Variants in ACAP2 observed in about 807,000 individuals in gnomAD.
The protein encoded by ACAP2 is arf-GAP with coiled-coil, ANK repeat and PH domain-containing protein 2.
ACAP2 carries 39 observed loss-of-function variants against 115.8 expected under a neutral mutation model. The observed-to-expected ratio is 0.34, with a 90% CI of 0.26 to 0.44. The LOEUF is 0.44. Ranked by LOEUF, ACAP2 falls within the 20% of genes least tolerant of loss-of-function variation. ACAP2 has a pLI of 1.00. For synonymous variants in ACAP2, 289 were observed against 315.8 expected (o/e 0.92, Z 0.90); for missense variants, 662 against 927.6 (o/e 0.71, Z 3.72).
chr3:195,311,052 A>C (rs77247234), intron 10 of ACAP2, among the ~76,000 whole-genome samples: 3,887 of 151,646 alleles, frequency 0.026, 142 homozygotes, highest in African/African-American at 0.085. Context: ...TTTCTATAGA[A>C]TAATCCTAGT....
intron 1 of ACAP2, among the ~76,000 whole-genome samples, chr3:195,396,795 A>AG (rs1431202843): frequency 1.3e-5 from 2 of 148,972 alleles, no homozygotes; most frequent in East Asian, 4.0e-4. Flanking sequence ...TCAAAAAAGA[A>AG]AAAAAAAAAA....
intron 10 of ACAP2, among the ~76,000 whole-genome samples, chr3:195,311,159 C>A (rs1342636639): frequency 7.0e-6 from 1 of 143,700 alleles, no homozygotes; most frequent in Admixed American, 7.1e-5. Flanking sequence ...TGCAGGGGTG[C>A]GATCTTGGCT....
intron 1 of ACAP2, among the ~76,000 whole-genome samples, chr3:195,436,449 C>A (rs557560962): frequency 1.3e-5 from 2 of 152,114 alleles, no homozygotes; most frequent in African/African-American, 4.8e-5. Context: ...ATTATACTTG[C>A]CTGTAGTAAT....
intron 4 of ACAP2, among the ~76,000 whole-genome samples, chr3:195,371,788 T>C (rs571965931): frequency 6.6e-6 from 1 of 152,050 alleles, no homozygotes; most frequent in South Asian, 2.1e-4. Context: ...AAGTAGCTGG[T>C]TATATAGGTA....
chr3:195,389,147 T>C (rs544972316), intron 2 of ACAP2, among the ~76,000 whole-genome samples: 14 of 152,280 alleles, frequency 9.2e-5, no homozygotes, highest in African/African-American at 3.1e-4. Context: ...CAGGTTTCCA[T>C]GTGTCTTGGT....
At chr3:195,345,011 A>G (rs1731108972) in intron 5 of ACAP2, among the ~76,000 whole-genome samples, 1 of 152,228 alleles carries the variant, frequency 6.6e-6, no homozygotes, top group Non-Finnish European at 1.5e-5. Flanking sequence ...TTTTAAACCT[A>G]TAGCTACATA....
chr3:195,299,728 C>G (rs2108956214), intron 15 of ACAP2, among the ~76,000 whole-genome samples: 1 of 152,086 alleles, frequency 6.6e-6, no homozygotes, highest in South Asian at 2.1e-4. Flanking sequence ...GTCTCAGATA[C>G]TCAGGAGGCT....
rs760805701 is a variant in ACAP2 at position 195,320,865 on chromosome 3, G to C, written c.745-52C>G. 2.5e-6 allele frequency: 3 copies of C among 1,200,242 alleles called. No homozygotes were observed. The African/African-American group carries it at 4.5e-5, about 18-fold the overall frequency. 74.3% of individuals were successfully genotyped at this position (1,200,242 alleles called of 1,614,324 possible). A position where few individuals can be genotyped will look rare whatever the true frequency, so the allele number is the denominator to read the frequency against. ...TCATATGACTTGACTAAGTTTCCTA[G>C]ACAAGAAATGGATCCTAAGAAAAGA... On this transcript the variant is annotated intron_variant, in intron 9 of 22. Transcript: ENST00000326793.
chr3:195,408,481 T>A (rs1041693722), intron 1 of ACAP2, among the ~76,000 whole-genome samples: 3 of 151,884 alleles, frequency 2.0e-5, no homozygotes, highest in Non-Finnish European at 4.4e-5. Context: ...GAAAAAAAAA[T>A]TAAGTCCTAG....
intron 13 of ACAP2, among the ~76,000 whole-genome samples, 176 bp from the exon 14 acceptor site, chr3:195,302,350 C>T (rs759029045): frequency 1.3e-5 from 2 of 152,168 alleles, no homozygotes; most frequent in Non-Finnish European, 2.9e-5. Flanking sequence ...GTTCTTCCAT[C>T]AGTGAGCTTT....
intron 13 of ACAP2, among the ~76,000 whole-genome samples, chr3:195,304,633 C>A (rs1728303537): frequency 6.6e-6 from 1 of 152,168 alleles, no homozygotes; most frequent in Non-Finnish European, 1.5e-5. Context: ...AGGTGGAAGC[C>A]AGAGGATTAA....
intron 1 of ACAP2, among the ~76,000 whole-genome samples, chr3:195,440,808 C>T (rs1244390833): frequency 6.6e-6 from 1 of 152,092 alleles, no homozygotes; most frequent in African/African-American, 2.4e-5. Context: ...GCAGTCTTCC[C>T]TCTATTGCAA....
chr3:195,291,070 C>G (rs1253912901), intron 20 of ACAP2, among the ~76,000 whole-genome samples: 3 of 152,024 alleles, frequency 2.0e-5, no homozygotes, highest in African/African-American at 7.2e-5. Context: ...TCTTGCTTAT[C>G]CACCACATAA....
chr3:195,384,218 GTC>G (rs1294999779), intron 2 of ACAP2, among the ~76,000 whole-genome samples: 24 of 152,082 alleles, frequency 1.6e-4, no homozygotes, highest in Non-Finnish European at 1.5e-5. Context: ...CAAGCTAAGC[GTC>G]TCTCAGTGGA....
Position 195,302,197 on chromosome 3 carries a change from GT to G in ACAP2, c.1117-24del, listed in dbSNP as rs200159635. ...CTTCTAAAAGAATTAAGAATTACTT[GT>G]TTTTAAAAAAAAAAAAGATTGAAAT... On this transcript the variant is annotated intron_variant, in intron 13 of 22. Transcript: ENST00000326793. The G allele has an allele frequency of 2.6e-3, 3,957 of 1,548,428 alleles. 47 individuals are homozygous for G. The African/African-American group carries it at 0.041, about 16-fold the overall frequency.
Position 195,285,807 on chromosome 3 carries a change from T to C in ACAP2, c.2225A>G (p.Tyr742Cys), listed in dbSNP as rs1241701860. 1.2e-6 allele frequency: 2 copies of C among 1,612,138 alleles called. No homozygotes were observed. The highest frequency in any genetic ancestry group is 1.7e-5 in the Admixed American group (1 of 59,890). ...NEEMRESEGL[Y>C]GQPGDETYQD... is the part of the protein sequence containing the mutation. ...AGTAGAATATTGACCTGGCTGTCCA[T>C]AAAGTCCTTCTGATTCCCGCATCTC... Residue 742 changes from tyrosine (Y) to cysteine (C), a missense_variant, in exon 22 of 23, where the codon TAT (tyrosine) becomes TGT (cysteine). Coordinates refer to ENST00000326793, the MANE Select transcript of ACAP2 (RefSeq NM_012287.6).
intron 9 of ACAP2, among the ~76,000 whole-genome samples, chr3:195,326,050 A>T (rs1295464519): frequency 2.0e-5 from 3 of 152,032 alleles, no homozygotes; most frequent in Admixed American, 2.0e-4. Flanking sequence ...TTTTGTTTTC[A>T]TTTTTTTCCA....
At chr3:195,288,860 TA>T (rs548818805) in intron 21 of ACAP2, among the ~76,000 whole-genome samples, 16 of 152,170 alleles carry the variant, frequency 1.1e-4, no homozygotes, top group African/African-American at 3.1e-4. Flanking sequence ...AATAGATACA[TA>T]AATATAAATA....
At chr3:195,327,203 T>C (rs534463715) in intron 8 of ACAP2, among the ~76,000 whole-genome samples, 127 of 152,302 alleles carry the variant, frequency 8.3e-4, no homozygotes, top group African/African-American at 2.9e-3. Context: ...GCCATACATA[T>C]ACGATTGCAG....
Sources: allele counts gnomAD v4.1 joint callset (sites outside exome capture counted in the v4.1 genomes callset), GRCh38; gene constraint gnomAD v4.1.1; transcripts MANE v1.5; gene names NCBI Gene and HGNC (gene_info 2026-07-23, HGNC 2026-07-21).